Variants in SPMAP2L observed in about 807,000 individuals in gnomAD.
The protein encoded by SPMAP2L is sperm microtubule associated protein 2-like.
At chr4:56,592,876 A>G in the SPMAP2L span, 3 of 1,609,362 alleles carry the variant, frequency 1.9e-6, no homozygotes, top group Non-Finnish European at 2.6e-6. Context: ...CTGGGGACAA[A>G]GACCAGAGAG....
chr4:56,600,293 GTTTA>G, the SPMAP2L span, among the ~76,000 whole-genome samples: 2 of 151,108 alleles, frequency 1.3e-5, no homozygotes, highest in East Asian at 1.9e-4. Flanking sequence ...AATAGGATGG[GTTTA>G]TTTATTTATT....
the SPMAP2L span, among the ~76,000 whole-genome samples, chr4:56,552,305 A>G: frequency 5.3e-5 from 8 of 152,268 alleles, no homozygotes; most frequent in East Asian, 7.7e-4. Context: ...TGGAGACAAT[A>G]TGTTCTTTGG....
At chr4:56,532,800 C>G in the SPMAP2L span, among the ~76,000 whole-genome samples, 8 of 152,184 alleles carry the variant, frequency 5.3e-5, no homozygotes, top group Non-Finnish European at 1.2e-4. Flanking sequence ...CATTTGGCTT[C>G]TCAGTTCTCT....
chr4:56,541,525 T>C, the SPMAP2L span, among the ~76,000 whole-genome samples: 1 of 152,166 alleles, frequency 6.6e-6, no homozygotes, highest in Non-Finnish European at 1.5e-5. Context: ...TTTTTTATTA[T>C]GGAAATTTCT....
the SPMAP2L span, chr4:56,548,736 T>C: frequency 3.1e-6 from 4 of 1,279,046 alleles, no homozygotes; most frequent in Non-Finnish European, 4.2e-6. Context: ...ATCTTAATCA[T>C]ATCTTTGATT....
the SPMAP2L span, among the ~76,000 whole-genome samples, chr4:56,558,053 C>A: frequency 6.6e-6 from 1 of 152,142 alleles, no homozygotes; most frequent in African/African-American, 2.4e-5. Flanking sequence ...ACTGCAATCT[C>A]CACCTCCCAG....
the SPMAP2L span, among the ~76,000 whole-genome samples, chr4:56,610,877 A>T: frequency 6.6e-6 from 1 of 152,252 alleles, no homozygotes; most frequent in South Asian, 2.1e-4. Context: ...GGGAAATGCA[A>T]ATCAAAACCA....
chr4:56,623,904 G>A, the SPMAP2L span, among the ~76,000 whole-genome samples: 1 of 152,196 alleles, frequency 6.6e-6, no homozygotes, highest in African/African-American at 2.4e-5. Context: ...GTAGAGTGGG[G>A]CACTGCTGAA....
chr4:56,542,985 C>T, the SPMAP2L span, among the ~76,000 whole-genome samples: 2 of 151,850 alleles, frequency 1.3e-5, no homozygotes, highest in African/African-American at 4.8e-5. Context: ...CCATCAGAAC[C>T]CATTCATGTC....
chr4:56,536,904 C>G, the SPMAP2L span, among the ~76,000 whole-genome samples: 1 of 152,206 alleles, frequency 6.6e-6, no homozygotes, highest in South Asian at 2.1e-4. Flanking sequence ...GCTGGGATTA[C>G]AAGTATGCAC....
At chr4:56,537,147 C>T in the SPMAP2L span, among the ~76,000 whole-genome samples, 3 of 152,176 alleles carry the variant, frequency 2.0e-5, no homozygotes, top group African/African-American at 7.2e-5. Context: ...CTCTGTGACA[C>T]CATAGTCTCC....
At chr4:56,603,988 T>G in the SPMAP2L span, among the ~76,000 whole-genome samples, 1 of 152,340 alleles carries the variant, frequency 6.6e-6, no homozygotes, top group Non-Finnish European at 1.5e-5. Context: ...AAATTGCATC[T>G]GCCCAGAATT....
At chr4:56,600,890 TA>T in the SPMAP2L span, 1 of 1,504,794 alleles carries the variant, frequency 6.6e-7, no homozygotes. Flanking sequence ...TAGAGAAATG[TA>T]AAATTTGGGA....
At chr4:56,603,158 A>G in the SPMAP2L span, 1 of 1,310,434 alleles carries the variant, frequency 7.6e-7, no homozygotes, top group Non-Finnish European at 1.0e-6. Flanking sequence ...AACATTAGCT[A>G]CCTTCTCTGT....
At chr4:56,601,126 C>A in the SPMAP2L span, 1 of 1,527,266 alleles carries the variant, frequency 6.5e-7, no homozygotes, top group Non-Finnish European at 8.8e-7. Context: ...CAATTTCAGG[C>A]TAAAGTGGGA....
the SPMAP2L span, chr4:56,530,958 C>T: frequency 5.2e-6 from 8 of 1,535,340 alleles, no homozygotes; most frequent in African/African-American, 9.6e-5. Context: ...CCCACAAGCC[C>T]CGGGACTCCT....
chr4:56,563,839 G>A, the SPMAP2L span, among the ~76,000 whole-genome samples: 125,659 of 152,114 alleles, frequency 0.83, 52,032 homozygotes, highest in African/African-American at 0.84. Context: ...GAGGGATATC[G>A]ATTTGTAGTT....
chr4:56,584,480 T>C, the SPMAP2L span: 4 of 1,477,178 alleles, frequency 2.7e-6, no homozygotes, highest in African/African-American at 5.6e-5. Flanking sequence ...ATATTTCATG[T>C]TTCCATTTGC....
the SPMAP2L span, among the ~76,000 whole-genome samples, chr4:56,563,045 A>G: frequency 7.0e-6 from 1 of 142,790 alleles, no homozygotes; most frequent in Non-Finnish European, 1.5e-5. Flanking sequence ...CATGGACTTG[A>G]TTATGAGTTA....
Sources: allele counts gnomAD v4.1 joint callset (sites outside exome capture counted in the v4.1 genomes callset), GRCh38; gene constraint gnomAD v4.1.1; transcripts MANE v1.5; gene names NCBI Gene and HGNC (gene_info 2026-07-23, HGNC 2026-07-21).